GPC6: variants seen among roughly 807,000 people sequenced by gnomAD.
GPC6 encodes glypican 6, also known as glypican-6.
A neutral mutation model predicts 55.2 loss-of-function variants in GPC6; 14 were observed. That is an observed-to-expected ratio of 0.25 (90% confidence interval 0.17 to 0.40). GPC6 has a LOEUF of 0.40. GPC6 is among the 10% of genes least tolerant of loss of function. The pLI, the probability that GPC6 is intolerant of heterozygous loss-of-function variation, is 1.00. For missense variants in GPC6, 641 were observed against 708.5 expected, an observed-to-expected ratio of 0.90 and a Z score of 1.08; for synonymous variants, 278 against 259.6, an observed-to-expected ratio of 1.07 and a Z score of -0.68.
At chr13:93,656,207 A>G (rs1880657216) in intron 2 of GPC6, among the ~76,000 whole-genome samples, 1 of 152,158 alleles carries the variant, frequency 6.6e-6, no homozygotes, top group South Asian at 2.1e-4. Context: ...GAAGATATAC[A>G]AAAAGAAACA....
At chr13:93,506,673 A>T (rs1341222320) in intron 1 of GPC6, among the ~76,000 whole-genome samples, 1 of 151,992 alleles carries the variant, frequency 6.6e-6, no homozygotes, top group Non-Finnish European at 1.5e-5. Flanking sequence ...CTTTATAAGC[A>T]TGGTGGTTTC....
chr13:93,864,542 T>A (rs770785557), intron 3 of GPC6, among the ~76,000 whole-genome samples: 8 of 151,722 alleles, frequency 5.3e-5, no homozygotes, highest in Non-Finnish European at 1.0e-4. Context: ...GAAGGAGATC[T>A]AACCCTCTGC....
intron 2 of GPC6, among the ~76,000 whole-genome samples, chr13:93,642,877 T>C (rs1003849367): frequency 2.0e-5 from 3 of 152,142 alleles, no homozygotes; most frequent in Non-Finnish European, 4.4e-5. Context: ...CAGTATGTTA[T>C]GAAGAAAGCA....
chr13:93,572,267 T>C (rs1380321080), intron 2 of GPC6, among the ~76,000 whole-genome samples: 1 of 152,224 alleles, frequency 6.6e-6, no homozygotes, highest in Non-Finnish European at 1.5e-5. Context: ...TGGTGCTTTT[T>C]ATTTTTAACT....
intron 4 of GPC6, among the ~76,000 whole-genome samples, chr13:94,044,188 GTT>G (rs985660069): frequency 3.3e-5 from 5 of 151,734 alleles, no homozygotes; most frequent in Non-Finnish European, 5.9e-5. Context: ...TTAGTTTGTG[GTT>G]TATCTTTCCT....
At chr13:93,336,371 G>A (rs895140420) in intron 1 of GPC6, among the ~76,000 whole-genome samples, 1 of 152,108 alleles carries the variant, frequency 6.6e-6, no homozygotes, top group African/African-American at 2.4e-5. Context: ...ATATTCCTAG[G>A]AGCAATAATT....
chr13:94,322,633 T>G (rs1876887671), intron 6 of GPC6, among the ~76,000 whole-genome samples: 1 of 152,124 alleles, frequency 6.6e-6, no homozygotes, highest in African/African-American at 2.4e-5. Context: ...GATTTTTAAT[T>G]TAATAAAAAT....
intron 1 of GPC6, among the ~76,000 whole-genome samples, chr13:93,268,287 C>T (rs1202924443): frequency 1.3e-5 from 2 of 152,102 alleles, no homozygotes; most frequent in African/African-American, 2.4e-5. Flanking sequence ...AGACTGGTCC[C>T]GCCTGTATGT....
chr13:94,349,118 C>T (rs1172341027), intron 6 of GPC6, among the ~76,000 whole-genome samples: 5 of 152,220 alleles, frequency 3.3e-5, no homozygotes, highest in African/African-American at 9.6e-5. Context: ...TCACCTACAA[C>T]TTAAAAGCTG....
chr13:93,973,565 G>A (rs1880384613), intron 3 of GPC6, among the ~76,000 whole-genome samples: 2 of 152,212 alleles, frequency 1.3e-5, no homozygotes, highest in South Asian at 2.1e-4. Context: ...AGTGAGAGAA[G>A]GGTTTTTGTT....
intron 1 of GPC6, among the ~76,000 whole-genome samples, chr13:93,465,382 C>CCAT (rs111491945): frequency 0.18 from 27,681 of 152,088 alleles, 3,033 homozygotes; most frequent in East Asian, 0.47. Context: ...AGTGTAGTCA[C>CCAT]CATCAATTCT....
intron 4 of GPC6, among the ~76,000 whole-genome samples, chr13:94,238,121 G>A (rs1027872319): frequency 3.3e-5 from 5 of 152,078 alleles, no homozygotes; most frequent in Non-Finnish European, 7.4e-5. Flanking sequence ...GAGGATCTTT[G>A]GGGGATAGAA....
chr13:93,578,910 T>C (rs924857482), intron 2 of GPC6, among the ~76,000 whole-genome samples: 1 of 152,138 alleles, frequency 6.6e-6, no homozygotes, highest in African/African-American at 2.4e-5. Flanking sequence ...TTCCAGAAAT[T>C]TTAAAATTTT....
At chr13:93,289,590 C>G (rs994098720) in intron 1 of GPC6, among the ~76,000 whole-genome samples, 3 of 152,048 alleles carry the variant, frequency 2.0e-5, no homozygotes, top group Non-Finnish European at 4.4e-5. Context: ...TCTTCATATC[C>G]ACTTATAGAC....
chr13:93,623,461 T>C lies in GPC6; in HGVS notation c.319+78040T>C, dbSNP rs113289895. ...TTTTCTTTTCTTTTCTTTTCTTTTT[T>C]TTTTTTTTTTTTTTTGAGACGGAGT... On this transcript the variant is annotated intron_variant, in intron 2 of 8. Coordinates refer to ENST00000377047, the MANE Select transcript of GPC6 (RefSeq NM_005708.5). Among the ~76,000 whole-genome samples, 345 of 141,742 alleles carry C rather than the reference T, an allele frequency of 2.4e-3. 3 individuals are homozygous for C. Among genetic ancestry groups the C allele is most frequent in the African/African-American group, 8.8e-3 (335 of 37,982 alleles). 93.0% of individuals were successfully genotyped at this position (141,742 alleles called of 152,430 possible).
chr13:94,296,670 G>A (rs1212472301), intron 5 of GPC6, among the ~76,000 whole-genome samples: 1 of 152,190 alleles, frequency 6.6e-6, no homozygotes, highest in Non-Finnish European at 1.5e-5. Flanking sequence ...GTAAACATGT[G>A]AAGGAGTCAC....
At chr13:94,059,790 G>C (rs1348679255) in intron 4 of GPC6, among the ~76,000 whole-genome samples, 3 of 151,784 alleles carry the variant, frequency 2.0e-5, no homozygotes, top group Non-Finnish European at 4.4e-5. Context: ...TCATGAAAGA[G>C]TGCTAATCCC....
intron 1 of GPC6, among the ~76,000 whole-genome samples, chr13:93,451,889 A>G (rs1878239531): frequency 6.6e-6 from 1 of 152,224 alleles, no homozygotes; most frequent in Admixed American, 6.5e-5. Context: ...AATATCTATG[A>G]TACCAGAGCA....
chr13:94,199,412 A>G (rs1437958481), intron 4 of GPC6, among the ~76,000 whole-genome samples: 3 of 152,190 alleles, frequency 2.0e-5, no homozygotes, highest in Non-Finnish European at 2.9e-5. Flanking sequence ...ACTAGCCTGC[A>G]TAACCAGCTG....
Sources: allele counts gnomAD v4.1 joint callset (sites outside exome capture counted in the v4.1 genomes callset), GRCh38; gene constraint gnomAD v4.1.1; transcripts MANE v1.5; gene names NCBI Gene and HGNC (gene_info 2026-07-23, HGNC 2026-07-21).